LAMA2: variants seen among roughly 807,000 people sequenced by gnomAD.
LAMA2 encodes the protein laminin subunit alpha-2.
Under a neutral mutation model 364.8 loss-of-function variants are expected in LAMA2, and 269 were observed. The observed-to-expected ratio is 0.74, with a 90% CI of 0.67 to 0.82. LAMA2 has a LOEUF of 0.82. Among genes scored for constraint, LAMA2 ranks in the 40% least tolerant of loss-of-function variants. The pLI, the probability that LAMA2 is intolerant of heterozygous loss-of-function variation, is 0.00. For missense variants in LAMA2, 3,807 were observed against 3,873.2 expected (o/e 0.98, Z 0.45); for synonymous variants, 1,379 against 1,370.6 (o/e 1.01, Z -0.14).
intron 1 of LAMA2, among the ~76,000 whole-genome samples, chr6:128,917,376 A>G (rs541283653): frequency 5.9e-5 from 9 of 152,216 alleles, no homozygotes; most frequent in African/African-American, 2.2e-4. Context: ...TGCATTCTCA[A>G]TTAAAAGTCA....
intron 32 of LAMA2, among the ~76,000 whole-genome samples, chr6:129,364,480 G>T (rs757198028): frequency 1.3e-5 from 2 of 152,162 alleles, no homozygotes; most frequent in Non-Finnish European, 2.9e-5. Context: ...TATTATAAAT[G>T]CAGTAGTTCC....
intron 1 of LAMA2, among the ~76,000 whole-genome samples, chr6:129,010,621 T>C (rs570860717): frequency 6.6e-6 from 1 of 152,354 alleles, no homozygotes; most frequent in Admixed American, 6.5e-5. Context: ...TAGAATGGCA[T>C]TTCACATTGA....
intron 39 of LAMA2, 91 bp downstream of exon 39, chr6:129,402,578 C>A (rs1031293789): frequency 7.7e-7 from 1 of 1,297,060 alleles, no homozygotes; most frequent in Non-Finnish European, 1.1e-6. Flanking sequence ...ATTTTCAAAT[C>A]CTGATTTCTG....
At chr6:129,513,282 A>G (rs1786750058) in intron 63 of LAMA2, among the ~76,000 whole-genome samples, 1 of 152,206 alleles carries the variant, frequency 6.6e-6, no homozygotes. Flanking sequence ...CCTCCAACAA[A>G]GGTAATATAG....
chr6:129,251,980 TA>T (rs1786285897), intron 13 of LAMA2, 103 bp from the exon 14 acceptor site: 2 of 701,546 alleles, frequency 2.9e-6, no homozygotes, highest in Non-Finnish European at 4.8e-6. Context: ...TTTTTAAAGT[TA>T]AAAGTCTATT....
At chr6:128,980,429 G>C (rs1013468528) in intron 1 of LAMA2, among the ~76,000 whole-genome samples, 2 of 152,106 alleles carry the variant, frequency 1.3e-5, no homozygotes, top group Non-Finnish European at 2.9e-5. Context: ...TTTTTGTAGG[G>C]TACGCACGTG....
At chr6:129,320,988 A>G (rs1465322980) in intron 28 of LAMA2, among the ~76,000 whole-genome samples, 3 of 152,164 alleles carry the variant, frequency 2.0e-5, no homozygotes, top group Non-Finnish European at 2.9e-5. Context: ...AATGATTAGG[A>G]GATAGGATTA....
intron 1 of LAMA2, among the ~76,000 whole-genome samples, chr6:128,908,514 A>C: frequency 6.9e-6 from 1 of 144,274 alleles, no homozygotes; most frequent in African/African-American, 2.6e-5. Context: ...CGTCTATTTG[A>C]TTCTTCTCTC....
At chr6:129,179,677 A>G (rs1485197746) in intron 10 of LAMA2, among the ~76,000 whole-genome samples, 1 of 152,168 alleles carries the variant, frequency 6.6e-6, no homozygotes, top group Non-Finnish European at 1.5e-5. Context: ...AGAAATCATA[A>G]AAGAGAATGA....
intron 1 of LAMA2, among the ~76,000 whole-genome samples, chr6:128,949,645 G>A (rs184118477): frequency 1.1e-3 from 161 of 151,854 alleles, no homozygotes; most frequent in Non-Finnish European, 1.8e-3. Flanking sequence ...AATTTAGATG[G>A]GATTACATAA....
chr6:129,166,332 G>A (rs923185252), intron 9 of LAMA2, among the ~76,000 whole-genome samples: 6 of 152,164 alleles, frequency 3.9e-5, no homozygotes, highest in Admixed American at 1.3e-4. Flanking sequence ...CCAAGTTTAA[G>A]TAGGAAATTC....
At chr6:129,095,567 C>A (rs746945111) in intron 3 of LAMA2, among the ~76,000 whole-genome samples, 1 of 151,932 alleles carries the variant, frequency 6.6e-6, no homozygotes, top group Non-Finnish European at 1.5e-5. Flanking sequence ...TGAGAGCTGG[C>A]AGTGAGCTGT....
intron 51 of LAMA2, among the ~76,000 whole-genome samples, chr6:129,466,394 A>G (rs62421033): frequency 6.6e-6 from 1 of 151,938 alleles, no homozygotes. Flanking sequence ...ATGTATGGAC[A>G]TTTCAGAGTA....
At chr6:129,513,865 C>A (rs1786803968) in intron 63 of LAMA2, among the ~76,000 whole-genome samples, 1 of 152,030 alleles carries the variant, frequency 6.6e-6, no homozygotes, top group African/African-American at 2.4e-5. Context: ...AACTCTCAAT[C>A]TTGTATATAA....
At chr6:129,145,881 C>A (rs1469887449) in intron 5 of LAMA2, among the ~76,000 whole-genome samples, 1 of 151,856 alleles carries the variant, frequency 6.6e-6, no homozygotes, top group African/African-American at 2.4e-5. Flanking sequence ...ACTGTATCAG[C>A]TTTTTAAGCA....
At position 129,427,883 on chromosome 6, in the gene LAMA2, T is replaced by C. The variant is rs766870575; in HGVS notation, c.5968+29T>C. 7.5e-6 allele frequency: 10 copies of C among 1,338,676 alleles called. No homozygotes were observed. In the Admixed American group the frequency reaches 1.5e-4, roughly 20 times the overall value. The allele number at this position is 1,338,676 out of a possible 1,614,324, so 82.9% of individuals were successfully genotyped here. A position where few individuals can be genotyped will look rare whatever the true frequency, so the allele number is the denominator to read the frequency against. On this transcript the variant is annotated intron_variant, in intron 41 of 64. Coordinates refer to ENST00000421865, the MANE Select transcript of LAMA2 (RefSeq NM_000426.4). ...AGTGTGGCCATAGTTTTTATTATAT[T>C]CCAGTTAATCGGGTTGTTACTGATA...
intron 2 of LAMA2, among the ~76,000 whole-genome samples, chr6:129,051,089 T>G (rs1195325038): frequency 2.0e-5 from 3 of 151,784 alleles, no homozygotes; most frequent in African/African-American, 7.3e-5. Flanking sequence ...TCTAAAGATT[T>G]CTGGCTAAGA....
chr6:129,432,372 G>A lies in LAMA2; in HGVS notation c.5968+4518G>A, dbSNP rs141113443. Reference sequence around the variant, plus strand: ...TATTGGAAAGATTATCCCTAAGAGCGAGACGTAGCTTGTCATATCCAACCC... The same window carrying A: ...TATTGGAAAGATTATCCCTAAGAGCAAGACGTAGCTTGTCATATCCAACCC... On this transcript the variant is annotated intron_variant, in intron 41 of 64. Coordinates refer to ENST00000421865, the MANE Select transcript of LAMA2 (RefSeq NM_000426.4). 3.3e-3 allele frequency among the ~76,000 whole-genome samples: 508 copies of A among 152,300 alleles called. 3 individuals are homozygous for A. Among genetic ancestry groups the A allele is most frequent in the African/African-American group, 0.012 (480 of 41,562 alleles).
At chr6:129,266,181 A>G (rs190003712) in intron 15 of LAMA2, among the ~76,000 whole-genome samples, 44 of 151,968 alleles carry the variant, frequency 2.9e-4, no homozygotes, top group Admixed American at 5.9e-4. Context: ...CACAAGATGC[A>G]ATTTCACTGG....
Sources: gnomAD v4.1 joint callset for allele counts (sites outside exome capture counted in the v4.1 genomes callset) on GRCh38, gnomAD v4.1.1 for gene constraint, MANE v1.5 for transcripts, NCBI Gene and HGNC (gene_info 2026-07-23, HGNC 2026-07-21) for gene names.